PACRG: variants seen among roughly 807,000 people sequenced by gnomAD.
The protein encoded by PACRG is parkin coregulated, also known as parkin coregulated gene protein.
Under a neutral mutation model 29.7 loss-of-function variants are expected in PACRG, and 29 were observed. The observed-to-expected ratio is 0.98, with a 90% CI of 0.73 to 1.33. PACRG has a LOEUF of 1.33. Among genes scored for constraint, PACRG ranks in the 40% most tolerant of loss-of-function variants. The pLI is 0.00. For missense variants in PACRG, 279 were observed against 316.2 expected, an observed-to-expected ratio of 0.88 and a Z score of 0.89; for synonymous variants, 116 against 118.7, an observed-to-expected ratio of 0.98 and a Z score of 0.15.
intron 2 of PACRG, among the ~76,000 whole-genome samples, chr6:163,049,395 A>G (rs187892514): frequency 1.3e-5 from 2 of 152,120 alleles, no homozygotes; most frequent in African/African-American, 4.8e-5. Flanking sequence ...AAGTATGAGA[A>G]TAAACCATTA....
In PACRG at chr6:162,976,762, T is replaced by C. The variant is rs115524187; in HGVS notation, c.292-85388T>C. On this transcript the variant is annotated intron_variant, in intron 2 of 4. Coordinates refer to ENST00000366888, the MANE Select transcript of PACRG (RefSeq NM_001080379.2). ...TAGAAATATACTATCACACACACAA[T>C]GGATGACAAATATTGAAAAGAAGAA... 4.5e-3 allele frequency among the ~76,000 whole-genome samples: 681 copies of C among 152,226 alleles called. 8 individuals carry two copies. The highest frequency in any genetic ancestry group is 0.016 in the African/African-American group (653 of 41,534).
At chr6:163,165,707 GTC>G in intron 4 of PACRG, 1 of 219,860 alleles carries the variant, frequency 4.5e-6, no homozygotes, top group Non-Finnish European at 9.2e-6. Flanking sequence ...AAGCCTTCAA[GTC>G]GGTTCACCCT....
intron 2 of PACRG, among the ~76,000 whole-genome samples, chr6:162,969,428 G>A (rs1801343257): frequency 6.6e-6 from 1 of 151,890 alleles, no homozygotes; most frequent in Admixed American, 6.6e-5. Flanking sequence ...TCTCTTGCCT[G>A]AAATACTACA....
rs1388149523 is a variant in PACRG, at chr6:162,899,546, C to T, written c.291+85265C>T. On this transcript the variant is annotated intron_variant, in intron 2 of 4. Transcript: ENST00000366888. ...GTGCAGGTAGGCATTCGGGAAGCAC[C>T]GGGCAGGAAGCTGTCCTTCCATCCT... is the stretch of plus-strand genomic sequence containing the variant. Among the ~76,000 whole-genome samples the T allele has an allele frequency of 3.3e-5, 5 of 152,134 alleles. No individual in the cohort carries two copies. In the East Asian group the frequency reaches 7.7e-4, roughly 23 times the overall value.
intron 2 of PACRG, among the ~76,000 whole-genome samples, chr6:162,921,626 G>C (rs1471045291): frequency 6.6e-6 from 1 of 152,162 alleles, no homozygotes; most frequent in Admixed American, 6.5e-5. Context: ...CATGTGAAAA[G>C]TAAGCAAATT....
chr6:162,901,126 C>A (rs1025445047), intron 2 of PACRG, among the ~76,000 whole-genome samples: 1 of 152,120 alleles, frequency 6.6e-6, no homozygotes, highest in Non-Finnish European at 1.5e-5. Context: ...ATAAGACATC[C>A]ATTTTCTGGT....
chr6:163,180,605 C>T (rs773838462), intron 4 of PACRG, among the ~76,000 whole-genome samples: 10 of 151,668 alleles, frequency 6.6e-5, no homozygotes, highest in Non-Finnish European at 1.3e-4. Context: ...CTAGCCTGGG[C>T]AACAGTGATA....
chr6:162,745,101 A>T (rs1780886104), intron 1 of PACRG, among the ~76,000 whole-genome samples: 1 of 152,200 alleles, frequency 6.6e-6, no homozygotes, highest in Admixed American at 6.5e-5. Flanking sequence ...TTAAAATGAA[A>T]TTTTTTAAAA....
intron 4 of PACRG, among the ~76,000 whole-genome samples, chr6:163,255,415 G>A (rs1386529886): frequency 3.3e-5 from 5 of 152,142 alleles, no homozygotes; most frequent in Non-Finnish European, 5.9e-5. Context: ...CCACTCAGGT[G>A]TTTGCATAGA....
rs532250588 is a variant in PACRG, at chr6:163,307,920, T to A, written c.614-6907T>A. ...CCTTCACCTCCAGAAAAGACCAGATTGGAATTCATAGCTGTTTCCCTATAA... is the reference window on the plus strand; with the variant it reads ...CCTTCACCTCCAGAAAAGACCAGATAGGAATTCATAGCTGTTTCCCTATAA... On this transcript the variant is annotated intron_variant, in intron 4 of 4. Coordinates refer to ENST00000366888, the MANE Select transcript of PACRG (RefSeq NM_001080379.2). 8.5e-5 allele frequency among the ~76,000 whole-genome samples: 13 copies of A among 152,338 alleles called. No individual in the cohort carries two copies. In the East Asian group the frequency reaches 2.5e-3, roughly 29 times the overall value.
chr6:163,189,037 A>G (rs1402732991), intron 4 of PACRG, among the ~76,000 whole-genome samples: 7 of 152,356 alleles, frequency 4.6e-5, no homozygotes, highest in Non-Finnish European at 1.0e-4. Flanking sequence ...ACATGAGAGG[A>G]TAATTGATTA....
At chr6:162,947,021 T>C (rs1799061085) in intron 2 of PACRG, among the ~76,000 whole-genome samples, 1 of 151,746 alleles carries the variant, frequency 6.6e-6, no homozygotes, top group East Asian at 1.9e-4. Flanking sequence ...GCTAACATCA[T>C]ACTAAATGGG....
intron 4 of PACRG, among the ~76,000 whole-genome samples, chr6:163,264,777 T>A (rs2128176795): frequency 6.6e-6 from 1 of 152,270 alleles, no homozygotes; most frequent in South Asian, 2.1e-4. Context: ...TGCCAACTTT[T>A]AAACACCTGA....
rs1585387133 is a variant in PACRG, at chr6:163,269,940, AAAGAAAGAAAGAAAG to A, written c.614-44884_614-44870del. Among the ~76,000 whole-genome samples the A allele has an allele frequency of 1.8e-3, 44 of 24,648 alleles. 1 individual carries two copies. Among genetic ancestry groups the A allele is most frequent in the Non-Finnish European group, 2.5e-3 (32 of 12,562 alleles). The allele number at this position is 24,648 out of a possible 152,430, so 16.2% of individuals were successfully genotyped here. On this transcript the variant is annotated intron_variant, in intron 4 of 4. Coordinates refer to ENST00000366888, the MANE Select transcript of PACRG (RefSeq NM_001080379.2). ...AAAGAAAGAAAGAAAACAAAGAAAG[AAAGAAAGAAAGAAAG>A]AAAGAAAGAAAGAAAGAAAGAAAGA...
intron 4 of PACRG, among the ~76,000 whole-genome samples, chr6:163,141,840 G>A (rs186693030): frequency 2.6e-5 from 4 of 152,064 alleles, no homozygotes; most frequent in Admixed American, 2.0e-4. Context: ...CAAAGTAAAG[G>A]ATCATAACTC....
chr6:162,744,470 C>G (rs941581623), intron 1 of PACRG, among the ~76,000 whole-genome samples: 1 of 152,084 alleles, frequency 6.6e-6, no homozygotes, highest in Non-Finnish European at 1.5e-5. Context: ...TGGCACATAA[C>G]TGTAATCCCA....
intron 3 of PACRG, among the ~76,000 whole-genome samples, chr6:163,062,603 T>A (rs1308176491): frequency 6.6e-6 from 1 of 152,190 alleles, no homozygotes; most frequent in Non-Finnish European, 1.5e-5. Context: ...AACTTACGCA[T>A]CCAGAGGTCT....
At position 163,022,216 on chromosome 6, in the gene PACRG, A is replaced by G. The variant is rs141998137; in HGVS notation, c.292-39934A>G. 4.6e-3 allele frequency among the ~76,000 whole-genome samples: 697 copies of G among 152,334 alleles called. 3 individuals are homozygous for G. Among genetic ancestry groups the G allele is most frequent in the Non-Finnish European group, 7.6e-3 (519 of 68,036 alleles). On this transcript the variant is annotated intron_variant, in intron 2 of 4. Coordinates refer to ENST00000366888, the MANE Select transcript of PACRG (RefSeq NM_001080379.2). ...TTGAGCACCTACTATGTGCTCAATA[A>G]TATACAGTACCTGTTGAATTGGGAG... is the stretch of plus-strand genomic sequence containing the variant.
intron 2 of PACRG, among the ~76,000 whole-genome samples, chr6:162,929,712 G>T (rs1797708826): frequency 6.6e-6 from 1 of 152,100 alleles, no homozygotes; most frequent in East Asian, 1.9e-4. Context: ...ACAGTTTGGG[G>T]TCTTAAATTT....
Sources: gnomAD v4.1 joint callset for allele counts (sites outside exome capture counted in the v4.1 genomes callset) on GRCh38, gnomAD v4.1.1 for gene constraint, MANE v1.5 for transcripts, NCBI Gene and HGNC (gene_info 2026-07-23, HGNC 2026-07-21) for gene names.